XPO1: variants seen among roughly 807,000 people sequenced by gnomAD.
XPO1 encodes exportin-1.
A neutral mutation model predicts 133.3 loss-of-function variants in XPO1; 5 were observed. The observed-to-expected ratio is 0.04, with a 90% CI of 0.02 to 0.08. The LOEUF is 0.08. Ranked by LOEUF, XPO1 falls within the 10% of genes least tolerant of loss-of-function variation. XPO1 has a pLI of 1.00. For missense variants in XPO1, 506 were observed against 1,267.5 expected (o/e 0.40, Z 9.12); for synonymous variants, 419 against 408.2 (o/e 1.03, Z -0.32).
chr2:61,496,119 C>T (rs1470263795), intron 10 of XPO1, among the ~76,000 whole-genome samples: 1 of 152,152 alleles, frequency 6.6e-6, no homozygotes, highest in Non-Finnish European at 1.5e-5. Flanking sequence ...CTATCACAGC[C>T]TTTAAATTTT....
intron 6 of XPO1, among the ~76,000 whole-genome samples, chr2:61,500,578 CAAAA>C (rs56213841): frequency 4.9e-5 from 2 of 40,422 alleles, no homozygotes; most frequent in East Asian, 6.5e-4. Flanking sequence ...GACTCCATCT[CAAAA>C]AAAAAAAAAA....
intron 16 of XPO1, among the ~76,000 whole-genome samples, chr2:61,491,510 C>A (rs1444616601): frequency 7.6e-5 from 11 of 145,382 alleles, no homozygotes; most frequent in African/African-American, 2.8e-4. Context: ...CAAAACAAAA[C>A]AAAACAAAAA....
chr2:61,479,571 A>G lies in XPO1; in HGVS notation c.3070-605T>C, dbSNP rs979583429. Among the ~76,000 whole-genome samples the G allele has an allele frequency of 2.0e-5, 3 of 152,142 alleles. No individual in the cohort carries two copies. The South Asian group carries it at 6.2e-4, about 32-fold the overall frequency. The stretch of plus-strand genomic sequence containing the variant: ...TGCATCCCATCCCCTAAGTATATAC[A>G]CCTACTATGTATTCACACAAATTTT... On this transcript the variant is annotated intron_variant, in intron 24 of 24. Transcript: ENST00000401558.
At chr2:61,501,393 T>C (rs995529966) in intron 6 of XPO1, among the ~76,000 whole-genome samples, 3 of 151,928 alleles carry the variant, frequency 2.0e-5, no homozygotes, top group African/African-American at 7.3e-5. Flanking sequence ...GAGACATACA[T>C]GCAAAGGAAA....
intron 19 of XPO1, among the ~76,000 whole-genome samples, chr2:61,487,656 C>T (rs1293323436): frequency 6.6e-6 from 1 of 152,098 alleles, no homozygotes; most frequent in Non-Finnish European, 1.5e-5. Flanking sequence ...AAACCTAAAA[C>T]TAATTCACAA....
chr2:61,497,018 G>C lies in XPO1; in HGVS notation c.760-11C>G. The C allele has an allele frequency of 1.3e-6, 2 of 1,599,490 alleles. No homozygotes were observed. The highest frequency in any genetic ancestry group is 2.7e-5 in the African/African-American group (2 of 74,318). ...TGGAACATTCAGGAACTATTTAAAA[G>C]GGGGGAGGGAACCATAAAATTAATT... On this transcript the variant is annotated splice_polypyrimidine_tract_variant and intron_variant, in intron 9 of 24. Coordinates refer to ENST00000401558, the MANE Select transcript of XPO1 (RefSeq NM_003400.4).
At chr2:61,491,398 C>G (rs1285401901) in intron 16 of XPO1, among the ~76,000 whole-genome samples, 2 of 150,620 alleles carry the variant, frequency 1.3e-5, no homozygotes, top group African/African-American at 2.5e-5. Context: ...CTGCAGTGAG[C>G]CGAGATTGCG....
In XPO1 at chr2:61,482,557, ATTATTAACTCCAAAATGTAATATAAC is replaced by A; in HGVS notation, c.2813-44_2813-19del. On this transcript the variant is annotated intron_variant, in intron 22 of 24. Transcript: ENST00000401558. Reference sequence around the variant, plus strand: ...TGTTAAACCTGTTGATAAGAAGAAAATTATTAACTCCAAAATGTAATATAACTATAGATCTTAGCGTTTTTTTTTGT... The same window carrying A: ...TGTTAAACCTGTTGATAAGAAGAAAATATAGATCTTAGCGTTTTTTTTTGT... 1 of 1,558,878 alleles carries A rather than the reference ATTATTAACTCCAAAATGTAATATAAC, an allele frequency of 6.4e-7. No individual in the cohort carries two copies. The highest frequency in any genetic ancestry group is 1.2e-5 in the South Asian group (1 of 84,034).
rs769297061 is a variant in XPO1 at position 61,492,997 on chromosome 2, C to T, written c.1302G>A (p.Glu434=). 6.2e-7 allele frequency: 1 copy of T among 1,612,220 alleles called. No homozygotes were observed. The highest frequency in any genetic ancestry group is 1.1e-5 in the South Asian group (1 of 90,608). Residue 434 remains glutamate, a synonymous_variant, in exon 13 of 25, where the codon GAG becomes GAA. Transcript: ENST00000401558. This position sits in a 1 kb window ranked among gnomAD's most constrained non-coding sequence, Gnocchi z 5.6. ...CTCTCACAACTTCTCCTTGATCATT[C>T]TCTACAACCAATACTTCCTCTGGTT... is the stretch of plus-strand genomic sequence containing the variant. ...MAKPEEVLVV[E]NDQGEVVREF... is the part of the protein sequence containing the mutation.
intron 2 of XPO1, among the ~76,000 whole-genome samples, chr2:61,528,701 GTTT>G (rs1366683429): frequency 2.2e-5 from 3 of 137,722 alleles, no homozygotes; most frequent in Non-Finnish European, 4.7e-5. Context: ...TCATTTGACA[GTTT>G]TTAAGATCCA....
intron 4 of XPO1, among the ~76,000 whole-genome samples, chr2:61,518,506 A>G (rs1698523199): frequency 6.6e-6 from 1 of 151,148 alleles, no homozygotes; most frequent in Non-Finnish European, 1.5e-5. Context: ...AGTCCCAGAT[A>G]CTCAGGAGGC....
At chr2:61,524,987 C>T (rs1698855086) in intron 3 of XPO1, among the ~76,000 whole-genome samples, 1 of 151,886 alleles carries the variant, frequency 6.6e-6, no homozygotes, top group Admixed American at 6.6e-5. Context: ...AATCTGAAAG[C>T]CAATGATAAA....
intron 12 of XPO1, chr2:61,493,366 AG>A: frequency 4.7e-6 from 1 of 213,602 alleles, no homozygotes; most frequent in African/African-American, 2.3e-5. Context: ...AAAATTTGCT[AG>A]GCATGGTGGT....
chr2:61,494,341 C>CG, intron 11 of XPO1: 1 of 354,332 alleles, frequency 2.8e-6, no homozygotes. Flanking sequence ...CCTAATGGAA[C>CG]GACATTTATT....
At chr2:61,536,021 G>T (rs1699341971) in intron 1 of XPO1, among the ~76,000 whole-genome samples, 2 of 152,258 alleles carry the variant, frequency 1.3e-5, no homozygotes, top group South Asian at 4.1e-4. Context: ...TACTACCATA[G>T]TTGAATGCTA....
chr2:61,535,491 G>A (rs1402374647), intron 1 of XPO1, among the ~76,000 whole-genome samples: 1 of 152,102 alleles, frequency 6.6e-6, no homozygotes, highest in Non-Finnish European at 1.5e-5. Flanking sequence ...AACTAGCTTG[G>A]CAGGGCGGAA....
intron 4 of XPO1, among the ~76,000 whole-genome samples, chr2:61,517,554 C>T (rs2104694208): frequency 6.6e-6 from 1 of 152,228 alleles, no homozygotes; most frequent in South Asian, 2.1e-4. Flanking sequence ...CCACTGTACT[C>T]CAGCATGGGT....
rs754056639 is a variant in XPO1 at position 61,488,173 on chromosome 2, G to A, written c.2305C>T (p.Pro769Ser). 1 of 1,613,580 alleles carries A rather than the reference G, an allele frequency of 6.2e-7. No individual in the cohort carries two copies. Among genetic ancestry groups the A allele is most frequent in the Non-Finnish European group, 8.5e-7 (1 of 1,179,634 alleles). Residue 769 changes from proline to serine, a missense_variant, in exon 19 of 25, where the codon CCA (proline) becomes TCA (serine). This residue lies in a region of XPO1 where 203 missense variants were observed against 365.9 expected (regional missense o/e 0.55). Coordinates refer to ENST00000401558, the MANE Select transcript of XPO1 (RefSeq NM_003400.4). ...ISGWVSRSND[P>S]QMVAENFVPP... is the part of the protein sequence containing the mutation. The stretch of plus-strand genomic sequence containing the variant: ...AAGCATCTCTCACTTACCATCTGTG[G>A]ATCATTGGATCGGCTCACCCAACCA...
At chr2:61,510,840 C>T (rs886599780) in intron 4 of XPO1, among the ~76,000 whole-genome samples, 3 of 150,938 alleles carry the variant, frequency 2.0e-5, no homozygotes, top group African/African-American at 4.9e-5. Context: ...AGGAGACTGA[C>T]GCAGGAGGAT....
Sources: allele counts gnomAD v4.1 joint callset (sites outside exome capture counted in the v4.1 genomes callset), GRCh38; gene constraint gnomAD v4.1.1; regional missense constraint gnomAD v4.1.1; non-coding constraint Gnocchi (gnomAD v3.1); transcripts MANE v1.5; gene names NCBI Gene and HGNC (gene_info 2026-07-23, HGNC 2026-07-21).